Variants in LRRC49 observed in about 807,000 individuals in gnomAD.
LRRC49 encodes the protein leucine-rich repeat-containing protein 49.
Under a neutral mutation model 83.3 loss-of-function variants are expected in LRRC49, and 50 were observed. The ratio of observed to expected loss-of-function variants is 0.60; its 90% CI spans 0.48 to 0.76. The LOEUF is 0.76. Among genes scored for constraint, LRRC49 ranks in the 30% least tolerant of loss-of-function variants. The pLI is 0.00. For missense variants in LRRC49, 704 were observed against 809.1 expected, an observed-to-expected ratio of 0.87 and a Z score of 1.58; for synonymous variants, 286 against 283.3, an observed-to-expected ratio of 1.01 and a Z score of -0.10.
intron 8 of LRRC49, among the ~76,000 whole-genome samples, chr15:70,960,756 G>A (rs2036576857): frequency 6.6e-6 from 1 of 152,080 alleles, no homozygotes; most frequent in Non-Finnish European, 1.5e-5. Context: ...ATAGACATGG[G>A]CCTTACACCT....
At chr15:70,909,588 C>T (rs1250172381) in intron 5 of LRRC49, among the ~76,000 whole-genome samples, 3 of 152,104 alleles carry the variant, frequency 2.0e-5, no homozygotes, top group Non-Finnish European at 2.9e-5. Flanking sequence ...TGCCTGGAAT[C>T]CCAGCACTTT....
chr15:70,949,195 C>T (rs148435824), intron 8 of LRRC49, among the ~76,000 whole-genome samples: 38 of 152,290 alleles, frequency 2.5e-4, no homozygotes, highest in African/African-American at 9.1e-4. Flanking sequence ...AAGTCCTGGT[C>T]TTTCCGAAAC....
intron 15 of LRRC49, among the ~76,000 whole-genome samples, chr15:71,045,794 C>A (rs1372886963): frequency 6.6e-6 from 1 of 151,786 alleles, no homozygotes; most frequent in African/African-American, 2.4e-5. Context: ...GAGTATGGAT[C>A]CTGTCACTCT....
At chr15:70,919,427 A>G (rs1048035954) in intron 7 of LRRC49, among the ~76,000 whole-genome samples, 1 of 152,254 alleles carries the variant, frequency 6.6e-6, no homozygotes, top group Non-Finnish European at 1.5e-5. Context: ...AAGTGTTATC[A>G]CTAAATGAAT....
At chr15:70,917,218 T>C (rs1249078156) in intron 6 of LRRC49, among the ~76,000 whole-genome samples, 2 of 152,200 alleles carry the variant, frequency 1.3e-5, no homozygotes, top group South Asian at 2.1e-4. Flanking sequence ...CTGGGCACCA[T>C]GAACAGCAGC....
chr15:70,876,840 T>C (rs192627955), intron 2 of LRRC49, among the ~76,000 whole-genome samples: 2 of 152,348 alleles, frequency 1.3e-5, no homozygotes, highest in East Asian at 3.9e-4. Flanking sequence ...TGTGCTATGC[T>C]CCAGATTCAT....
intron 7 of LRRC49, among the ~76,000 whole-genome samples, chr15:70,928,531 C>T (rs1353720210): frequency 6.6e-6 from 1 of 151,560 alleles, no homozygotes; most frequent in African/African-American, 2.4e-5. Flanking sequence ...TCATAACTTT[C>T]ATTTATTTAT....
At chr15:70,882,582 A>C (rs1433111986) in intron 2 of LRRC49, 1 of 1,613,796 alleles carries the variant, frequency 6.2e-7, no homozygotes, top group African/African-American at 1.3e-5. Context: ...GTTCTAGACC[A>C]CAATTCCTCT....
At chr15:70,996,660 G>A (rs1253670304) in intron 11 of LRRC49, among the ~76,000 whole-genome samples, 1 of 152,084 alleles carries the variant, frequency 6.6e-6, no homozygotes, top group African/African-American at 2.4e-5. Flanking sequence ...TATATCTATA[G>A]TTGCTTTATT....
chr15:70,947,986 G>A (rs2036069633), intron 8 of LRRC49, among the ~76,000 whole-genome samples: 1 of 152,176 alleles, frequency 6.6e-6, no homozygotes, highest in Non-Finnish European at 1.5e-5. Flanking sequence ...TGGGAAAGAA[G>A]ATAATAACAA....
chr15:71,003,843 A>G (rs1567094083), intron 11 of LRRC49, among the ~76,000 whole-genome samples: 1 of 152,118 alleles, frequency 6.6e-6, no homozygotes, highest in African/African-American at 2.4e-5. Flanking sequence ...TGCCATTGCC[A>G]TTTTGACTAC....
In LRRC49 at chr15:70,904,605, T is replaced by TG. The variant is rs1162454606; in HGVS notation, c.351dup (p.Asn118GlufsTer15). 6 of 1,613,686 alleles carry TG rather than the reference T, an allele frequency of 3.7e-6. No individual in the cohort carries two copies. Among genetic ancestry groups the TG allele is most frequent in the Non-Finnish European group, 5.1e-6 (6 of 1,179,758 alleles). On this transcript the variant is annotated frameshift_variant, in exon 5 of 16. Coordinates refer to ENST00000260382, the MANE Select transcript of LRRC49 (RefSeq NM_017691.5). LOFTEE classifies it high-confidence loss of function. ...AATGGGGAAGACCACCTTCGTTTGT[T>TG]GAACTTTCAACACAATTTTATAACT...
At chr15:70,992,676 C>T (rs745810772) in intron 11 of LRRC49, among the ~76,000 whole-genome samples, 1 of 152,234 alleles carries the variant, frequency 6.6e-6, no homozygotes, top group African/African-American at 2.4e-5. Flanking sequence ...TGGGTATCAG[C>T]AGCAGAGGCT....
At chr15:70,873,435 C>T (rs553105223) in intron 2 of LRRC49, among the ~76,000 whole-genome samples, 5 of 152,156 alleles carry the variant, frequency 3.3e-5, no homozygotes, top group Non-Finnish European at 5.9e-5. Flanking sequence ...GTAGTGCTTG[C>T]TGCATGACAA....
At chr15:70,873,041 T>C (rs544792555) in exon 2 of LRRC49, 3 of 628,668 alleles carry the variant, frequency 4.8e-6, no homozygotes, top group East Asian at 5.7e-5. Flanking sequence ...CCCGCCACCA[T>C]GCCCAGCTCA....
At chr15:70,898,642 G>A (rs1455885839) in intron 3 of LRRC49, among the ~76,000 whole-genome samples, 1 of 152,060 alleles carries the variant, frequency 6.6e-6, no homozygotes, top group Non-Finnish European at 1.5e-5. Flanking sequence ...AATTAGCTGG[G>A]TGTGGTGGCA....
chr15:71,012,723 A>T (rs1206271340), intron 13 of LRRC49, 81 bp from the exon 14 acceptor site: 2 of 746,784 alleles, frequency 2.7e-6, no homozygotes, highest in Admixed American at 4.6e-5. Context: ...TTTAATTTGG[A>T]TCTCTCTTTG....
chr15:70,876,898 G>T (rs768438487), intron 2 of LRRC49, among the ~76,000 whole-genome samples: 8 of 152,122 alleles, frequency 5.3e-5, no homozygotes, highest in Non-Finnish European at 7.3e-5. Flanking sequence ...TTCATTCAGT[G>T]CCCAAAGGTT....
At chr15:70,958,459 A>C (rs561153219) in intron 8 of LRRC49, among the ~76,000 whole-genome samples, 1 of 152,336 alleles carries the variant, frequency 6.6e-6, no homozygotes, top group African/African-American at 2.4e-5. Context: ...AGTTCACTTT[A>C]ACAAAGTGGA....
Sources: allele counts gnomAD v4.1 joint callset (sites outside exome capture counted in the v4.1 genomes callset), GRCh38; gene constraint gnomAD v4.1.1; transcripts MANE v1.5; gene names NCBI Gene and HGNC (gene_info 2026-07-23, HGNC 2026-07-21).